The following RECQL5 variants were observed in gnomAD, a reference collection of about 807,000 sequenced individuals.
The protein encoded by RECQL5 is ATP-dependent DNA helicase Q5.
Under a neutral mutation model 103.4 loss-of-function variants are expected in RECQL5, and 88 were observed. The ratio of observed to expected loss-of-function variants is 0.85; its 90% CI spans 0.72 to 1.02. RECQL5 has a LOEUF of 1.02. Among genes scored for constraint, RECQL5 ranks in the 50% least tolerant of loss-of-function variants. The pLI, the probability that RECQL5 is intolerant of heterozygous loss-of-function variation, is 0.00. For missense variants in RECQL5, 1,232 were observed against 1,284.3 expected (o/e 0.96, Z 0.62); for synonymous variants, 552 against 507.9 (o/e 1.09, Z -1.17).
At position 75,640,167 on chromosome 17, in the gene RECQL5, G is replaced by A. The variant is rs1369268495; in HGVS notation, c.1230-8499C>T. 3.9e-6 allele frequency: 6 copies of A among 1,524,746 alleles called. No homozygotes were observed. The highest frequency in any genetic ancestry group is 5.3e-6 in the Non-Finnish European group (6 of 1,136,922). The allele number at this position is 1,524,746 out of a possible 1,614,324, so 94.5% of individuals were successfully genotyped here. On this transcript the variant is annotated intron_variant, in intron 8 of 19. Coordinates refer to ENST00000317905, the MANE Select transcript of RECQL5 (RefSeq NM_004259.7). This position sits in a 1 kb window ranked among gnomAD's most constrained non-coding sequence, Gnocchi z 4.6. ...CAGGTGTTCTCTCTGCCCCAGCAGAGCCCGGCAGGAGCCCCAACAGGAAGC... is the reference window on the plus strand; with the variant it reads ...CAGGTGTTCTCTCTGCCCCAGCAGAACCCGGCAGGAGCCCCAACAGGAAGC...
At chr17:75,628,533 C>CT (rs1213697601) in intron 17 of RECQL5, 91 bp from the exon 18 acceptor site, 1 of 1,530,358 alleles carries the variant, frequency 6.5e-7, no homozygotes, top group Non-Finnish European at 8.9e-7. Flanking sequence ...GCACCAGCTG[C>CT]CTCTCTCCAG....
At chr17:75,656,110 T>C (rs1277641263) in intron 7 of RECQL5, among the ~76,000 whole-genome samples, 1 of 152,200 alleles carries the variant, frequency 6.6e-6, no homozygotes, top group Non-Finnish European at 1.5e-5. Flanking sequence ...CTTTCACTCT[T>C]GTTGCCCAGG....
chr17:75,633,418 G>C (rs534261813), intron 8 of RECQL5: 2 of 1,286,230 alleles, frequency 1.6e-6, no homozygotes, highest in Non-Finnish European at 2.0e-6. Context: ...CCTGACAGCT[G>C]GGCCAGGAGT....
intron 8 of RECQL5, among the ~76,000 whole-genome samples, chr17:75,648,473 C>A (rs1038811120): frequency 6.6e-6 from 1 of 151,948 alleles, no homozygotes; most frequent in African/African-American, 2.4e-5. Flanking sequence ...TCCCGGGTCA[C>A]GCCATTCTCC....
chr17:75,627,517 C>G lies in RECQL5; in HGVS notation c.2881G>C (p.Glu961Gln). ...TGCCTGATGAGGTTCTGGGCCTCTTCTTTCACTACAGATTCAGGGTGGGGG... is the reference window on the plus strand; with the variant it reads ...TGCCTGATGAGGTTCTGGGCCTCTTGTTTCACTACAGATTCAGGGTGGGGG... The part of the protein sequence containing the change: ...QKTSPGRSVK[E>Q]EAQNLIRHFF... The change falls in exon 20 of 20, where the codon GAA becomes CAA. Residue 961 changes from glutamate to glutamine, a missense_variant. By Grantham distance (29) the Glu-to-Gln change is conservative. Transcript: ENST00000317905. The G allele has an allele frequency of 6.2e-7, 1 of 1,613,954 alleles. No homozygotes were observed. Among genetic ancestry groups the G allele is most frequent in the Non-Finnish European group, 8.5e-7 (1 of 1,179,974 alleles).
Position 75,630,843 on chromosome 17 carries a change from G to GGT in RECQL5, c.1586-7_1586-6insAC, listed in dbSNP as rs1555706005. 11 of 1,311,202 alleles carry GGT rather than the reference G, an allele frequency of 8.4e-6. No homozygotes were observed. The highest frequency in any genetic ancestry group is 1.8e-5 in the African/African-American group (1 of 55,300). The allele number at this position is 1,311,202 out of a possible 1,614,324, so 81.2% of individuals were successfully genotyped here. ...TTTCAGGGGACAGTTCTCATCTGTG[G>GGT]GGGGGGGGGGTGGTCCTTGGTCCTT... On this transcript the variant is annotated splice_region_variant and splice_polypyrimidine_tract_variant and intron_variant, in intron 11 of 19. Transcript: ENST00000317905.
intron 6 of RECQL5, among the ~76,000 whole-genome samples, chr17:75,659,176 C>G (rs957150361): frequency 6.6e-6 from 1 of 152,148 alleles, no homozygotes; most frequent in Non-Finnish European, 1.5e-5. Flanking sequence ...ATTCTCCTGC[C>G]TCAGCCTCCT....
chr17:75,632,674 G>C (rs1390251533), intron 8 of RECQL5, among the ~76,000 whole-genome samples: 1 of 152,202 alleles, frequency 6.6e-6, no homozygotes, highest in Non-Finnish European at 1.5e-5. Context: ...AGGCTCTGTC[G>C]CATCTCTGTT....
chr17:75,659,866 C>A (rs887328069), intron 6 of RECQL5, among the ~76,000 whole-genome samples: 2 of 152,120 alleles, frequency 1.3e-5, no homozygotes, highest in African/African-American at 2.4e-5. Context: ...AAGGTCATGG[C>A]CAGATATAAA....
rs1049249481 is a variant in RECQL5, at chr17:75,627,103, G to A, written c.*319C>T. The A allele has an allele frequency of 1.4e-5, 7 of 501,162 alleles. No homozygotes were observed. Among genetic ancestry groups the A allele is most frequent in the Non-Finnish European group, 2.3e-5 (6 of 257,184 alleles). The allele number at this position is 501,162 out of a possible 1,614,324, so 31.0% of individuals were successfully genotyped here. ...TGGGCCTCATCCTGACTTAGAACTC[G>A]GGGAGGGGCCACTCTTCCTTCCCCT... is the stretch of plus-strand genomic sequence containing the variant. On this transcript the variant is annotated 3_prime_UTR_variant, in exon 20 of 20. Coordinates refer to ENST00000317905, the MANE Select transcript of RECQL5 (RefSeq NM_004259.7).
At chr17:75,653,372 C>A (rs2059578485) in intron 7 of RECQL5, among the ~76,000 whole-genome samples, 1 of 152,176 alleles carries the variant, frequency 6.6e-6, no homozygotes, top group African/African-American at 2.4e-5. Flanking sequence ...CCTTCCTTGC[C>A]CATTCCTGGA....
chr17:75,660,198 C>T (rs1486151558), intron 6 of RECQL5, among the ~76,000 whole-genome samples: 2 of 152,154 alleles, frequency 1.3e-5, no homozygotes, highest in Non-Finnish European at 2.9e-5. Flanking sequence ...CCCCAAGTAG[C>T]TGGGACTACA....
chr17:75,630,212 T>C lies in RECQL5; in HGVS notation c.1784A>G (p.Asn595Ser), dbSNP rs756081090. Residue 595 changes from asparagine to serine, a missense_variant, in exon 14 of 20, where the codon AAC becomes AGC. By Grantham distance (46) the Asn-to-Ser change is conservative. Coordinates refer to ENST00000317905, the MANE Select transcript of RECQL5 (RefSeq NM_004259.7). Reference protein sequence around the residue: ...HETFRNAKVANLYKASVLKKV... With the variant: ...HETFRNAKVASLYKASVLKKV... The stretch of plus-strand genomic sequence containing the variant: ...CTTCAGCACGCTGGCCTTGTAGAGG[T>C]TGGCCACCTTGGCGTTCCGGAATGT... 40 of 1,557,298 alleles carry C rather than the reference T, an allele frequency of 2.6e-5. No homozygotes were observed. Among genetic ancestry groups the C allele is most frequent in the Admixed American group, 3.9e-5 (2 of 51,556 alleles).
Position 75,658,385 on chromosome 17 carries a change from CCCATCCCTG to C in RECQL5, c.1053_1061del (p.Arg352_Gly354del), listed in dbSNP as rs760557722. On this transcript the variant is annotated inframe_deletion, in exon 7 of 20. Transcript: ENST00000317905. ...AATAGAGACGGCACCAGGAAGGCTTCCCATCCCTGCCAGCCCGGCCAGACTCCTGGTAGT... is the reference window on the plus strand; with the variant it reads ...AATAGAGACGGCACCAGGAAGGCTTCCCAGCCCGGCCAGACTCCTGGTAGT... 3.7e-6 allele frequency: 6 copies of C among 1,613,998 alleles called. No homozygotes were observed. The highest frequency in any genetic ancestry group is 5.1e-6 in the Non-Finnish European group (6 of 1,179,990).
intron 7 of RECQL5, among the ~76,000 whole-genome samples, chr17:75,653,836 T>C (rs1391342309): frequency 2.0e-5 from 3 of 151,786 alleles, no homozygotes; most frequent in East Asian, 3.9e-4. Flanking sequence ...AGATGGAGAA[T>C]GCAGTGAGCT....
chr17:75,628,525 A>C, intron 17 of RECQL5, 83 bp from the exon 18 acceptor site: 1 of 1,537,414 alleles, frequency 6.5e-7, no homozygotes, highest in Non-Finnish European at 8.8e-7. Context: ...GGGTCCCCGC[A>C]CCAGCTGCCT....
At chr17:75,631,340 A>T in intron 9 of RECQL5, 91 bp from the exon 10 acceptor site, 1 of 1,536,326 alleles carries the variant, frequency 6.5e-7, no homozygotes, top group Non-Finnish European at 9.0e-7. Context: ...CTGATGTCCT[A>T]CCAGCTCAAG....
chr17:75,629,522 C>A, intron 15 of RECQL5, 47 bp from the exon 16 acceptor site: 3 of 1,500,880 alleles, frequency 2.0e-6, no homozygotes, highest in Non-Finnish European at 2.7e-6. Context: ...ACTAGGCCCC[C>A]TTGAGGGCAC....
At chr17:75,664,920 A>G in intron 3 of RECQL5, 131 bp downstream of exon 3, 1 of 1,351,570 alleles carries the variant, frequency 7.4e-7, no homozygotes, top group South Asian at 1.7e-5. Context: ...CTCAAAAAAA[A>G]AAAAAAAAAA....
Sources: gnomAD v4.1 joint callset for allele counts (sites outside exome capture counted in the v4.1 genomes callset) on GRCh38, gnomAD v4.1.1 for gene constraint, Gnocchi (gnomAD v3.1) non-coding constraint, MANE v1.5 for transcripts, NCBI Gene and HGNC (gene_info 2026-07-23, HGNC 2026-07-21) for gene names.